The following MYH14 variants were observed in gnomAD, a reference collection of about 807,000 sequenced individuals.
MYH14 encodes myosin heavy chain 14.
A neutral mutation model predicts 255.5 loss-of-function variants in MYH14; 123 were observed. The observed-to-expected ratio is 0.48, with a 90% CI of 0.42 to 0.56. The LOEUF is 0.56. MYH14 is among the 20% of genes least tolerant of loss of function. The probability of loss-of-function intolerance (pLI) is 0.00; values close to 1 mark genes in which losing one functional copy is unlikely to be tolerated. For missense variants in MYH14, 2,423 were observed against 2,802.3 expected (o/e 0.86, Z 3.06); for synonymous variants, 1,095 against 1,161.2 (o/e 0.94, Z 1.16).
At chr19:50,210,080 A>C (rs2032078995) in intron 1 of MYH14, among the ~76,000 whole-genome samples, 1 of 143,670 alleles carries the variant, frequency 7.0e-6, no homozygotes, top group African/African-American at 2.6e-5. Flanking sequence ...CCTGGGCAAC[A>C]AGCGAGACTC....
At chr19:50,273,825 C>T (rs1313803060) in intron 27 of MYH14, among the ~76,000 whole-genome samples, 2 of 152,046 alleles carry the variant, frequency 1.3e-5, no homozygotes, top group African/African-American at 4.8e-5. Flanking sequence ...TTAGTAGAGA[C>T]GGGCTTTCAC....
At position 50,210,389 on chromosome 19, in the gene MYH14, G is replaced by C; in HGVS notation, c.24G>C (p.Val8=). Residue 8 remains valine (V), a synonymous_variant, in exon 2 of 43, where the codon GTG becomes GTC. Coordinates refer to ENST00000642316, the MANE Select transcript of MYH14 (RefSeq NM_001145809.2). ...CCATGGCAGCCGTGACCATGTCGGT[G>C]CCCGGGCGGAAGGCGCCCCCCAGGC... MAAVTMS[V]PGRKAPPRPG... 6.3e-7 allele frequency: 1 copy of C among 1,585,422 alleles called. No homozygotes were observed. The highest frequency in any genetic ancestry group is 1.1e-5 in the South Asian group (1 of 87,376).
chr19:50,299,570 CAAAAAAAA>C (rs4002409), intron 39 of MYH14, among the ~76,000 whole-genome samples: 76 of 57,636 alleles, frequency 1.3e-3, no homozygotes, highest in East Asian at 2.2e-3. Context: ...GACTCCATCT[CAAAAAAAA>C]AAAAAAAAAA....
At chr19:50,283,225 T>C (rs2035783541) in intron 33 of MYH14, among the ~76,000 whole-genome samples, 1 of 152,068 alleles carries the variant, frequency 6.6e-6, no homozygotes, top group South Asian at 2.1e-4. Flanking sequence ...GTTCAAGCGA[T>C]TCTCGTGCCT....
chr19:50,270,075 A>G (rs1218785443), intron 24 of MYH14, among the ~76,000 whole-genome samples: 1 of 152,172 alleles, frequency 6.6e-6, no homozygotes, highest in Non-Finnish European at 1.5e-5. Context: ...AAAATTAGCC[A>G]GGCATGGTGT....
At chr19:50,291,971 G>A (rs1031814236) in intron 36 of MYH14, among the ~76,000 whole-genome samples, 2 of 152,210 alleles carry the variant, frequency 1.3e-5, no homozygotes, top group African/African-American at 4.8e-5. Flanking sequence ...TGGCCAAGTT[G>A]TAATTCAAAC....
intron 18 of MYH14, 85 bp from the exon 19 acceptor site, chr19:50,259,059 T>C (rs1393449961): frequency 6.7e-7 from 1 of 1,489,352 alleles, no homozygotes; most frequent in Non-Finnish European, 9.0e-7. Context: ...AAATTACATG[T>C]GGAAACAGGA....
intron 20 of MYH14, among the ~76,000 whole-genome samples, chr19:50,261,099 CT>C (rs2034839206): frequency 1.0e-5 from 1 of 98,478 alleles, no homozygotes; most frequent in Non-Finnish European, 2.1e-5. Flanking sequence ...CTCTTCTCCC[CT>C]ATCACCCTCC....
intron 1 of MYH14, among the ~76,000 whole-genome samples, chr19:50,207,290 A>AGAGAGAGAGG: frequency 6.7e-6 from 1 of 148,918 alleles, no homozygotes; most frequent in Non-Finnish European, 1.5e-5. Flanking sequence ...AGAGAGAGAG[A>AGAGAGAGAGG]GAGAGAGAGA....
Position 50,217,617 on chromosome 19 carries a change from G to A in MYH14, c.408G>A (p.Thr136=), listed in dbSNP as rs376120352. ...CTCTCCCCTCTCACCCACTGCAGAC[G>A]TACTCCGGCCTTTTCTGTGTGGTCA... is the stretch of plus-strand genomic sequence containing the variant. ...RERYYSGLIY[T]YSGLFCVVIN... Residue 136 remains threonine (T), a splice_region_variant and synonymous_variant, in exon 3 of 43, where the codon ACG becomes ACA. Coordinates refer to ENST00000642316, the MANE Select transcript of MYH14 (RefSeq NM_001145809.2). 1.3e-4 allele frequency: 204 copies of A among 1,613,892 alleles called. No homozygotes were observed. The African/African-American group carries it at 2.1e-3, about 16-fold the overall frequency.
chr19:50,281,806 G>A lies in MYH14; in HGVS notation c.4503G>A (p.Val1501=). 1.2e-6 allele frequency: 2 copies of A among 1,612,654 alleles called. No homozygotes were observed. The highest frequency in any genetic ancestry group is 1.7e-6 in the Non-Finnish European group (2 of 1,179,726). ...TMDLEQQRQL[V]STLEKKQRKF... is the part of the protein sequence containing the mutation. ...ACCTGGAGCAGCAGCGGCAGCTTGT[G>A]AGCACCCTGGAGAAGAAGCAGCGCA... Residue 1501 remains valine, a synonymous_variant, in exon 33 of 43, where the codon GTG becomes GTA. Transcript: ENST00000642316.
intron 10 of MYH14, among the ~76,000 whole-genome samples, chr19:50,234,678 C>G (rs1172674856): frequency 1.3e-5 from 2 of 151,900 alleles, no homozygotes; most frequent in Admixed American, 1.3e-4. Context: ...GCAATGGGGA[C>G]CTGGGCCTCC....
At position 50,231,857 on chromosome 19, in the gene MYH14, C is replaced by G. The variant is rs1439021154; in HGVS notation, c.974-73C>G. The G allele has an allele frequency of 7.0e-6, 11 of 1,582,716 alleles. No individual in the cohort carries two copies. The East Asian group carries it at 2.5e-4, about 36-fold the overall frequency. On this transcript the variant is annotated intron_variant, in intron 9 of 42. Coordinates refer to ENST00000642316, the MANE Select transcript of MYH14 (RefSeq NM_001145809.2). ...GAGGATATGGCATGTCCTGGGATTG[C>G]CACCGATGAATCCAGGATGAGTCTG...
chr19:50,216,353 G>A (rs1001930756), intron 2 of MYH14, among the ~76,000 whole-genome samples: 7 of 151,818 alleles, frequency 4.6e-5, no homozygotes, highest in East Asian at 1.9e-4. Context: ...CTGTAATCCC[G>A]GCACTTTGGG....
chr19:50,232,222 A>G (rs901196616), intron 10 of MYH14, among the ~76,000 whole-genome samples, 152 bp downstream of exon 10: 2 of 152,254 alleles, frequency 1.3e-5, no homozygotes, highest in African/African-American at 2.4e-5. Context: ...AGGCTCACAG[A>G]CATCTCTGCC....
rs1248292074 is a variant in MYH14 at position 50,290,904 on chromosome 19, G to T, written c.4983G>T (p.Val1661=). 1 of 1,565,390 alleles carries T rather than the reference G, an allele frequency of 6.4e-7. No individual in the cohort carries two copies. Among genetic ancestry groups the T allele is most frequent in the East Asian group, 2.4e-5 (1 of 42,396 alleles). ...QLAKQLRDAE[V]ERDEERKQRT... is the part of the protein sequence containing the mutation. ...CTCTCCAGCTGAGAGATGCAGAGGT[G>T]GAGCGGGATGAGGAGCGGAAGCAGC... Residue 1661 remains valine (V), a synonymous_variant, in exon 36 of 43, where the codon GTG becomes GTT. Transcript: ENST00000642316.
In MYH14 at chr19:50,268,219, C is replaced by T; in HGVS notation, c.2885C>T (p.Ala962Val). 1.9e-6 allele frequency: 3 copies of T among 1,558,794 alleles called. No homozygotes were observed. The highest frequency in any genetic ancestry group is 2.6e-6 in the Non-Finnish European group (3 of 1,152,238). Residue 962 changes from alanine (A) to valine (V), a missense_variant, in exon 24 of 43, where the codon GCA (alanine) becomes GTA (valine). Coordinates refer to ENST00000642316, the MANE Select transcript of MYH14 (RefSeq NM_001145809.2). ...EQLRAEAELC[A>V]EAEETRGRLA... ...TTGCGAGCAGAGGCAGAACTGTGTGCAGAGGCCGAGGAGACGCGGGGGAGG... is the reference window on the plus strand; with the variant it reads ...TTGCGAGCAGAGGCAGAACTGTGTGTAGAGGCCGAGGAGACGCGGGGGAGG...
In MYH14 at chr19:50,210,632, G is replaced by A; in HGVS notation, c.267G>A (p.Leu89=). 6.4e-7 allele frequency: 1 copy of A among 1,569,628 alleles called. No homozygotes were observed. The highest frequency in any genetic ancestry group is 1.2e-5 in the South Asian group (1 of 85,722). ...AGCTGGCGGAGAGCGGGAGGCGGCT[G>A]CGACTGCCGCGGGACCAGATCCAGC... The part of the protein sequence containing the change: ...EVELAESGRR[L]RLPRDQIQRM... The change falls in exon 2 of 43, where the codon CTG becomes CTA. Residue 89 remains leucine, a synonymous_variant. Coordinates refer to ENST00000642316, the MANE Select transcript of MYH14 (RefSeq NM_001145809.2).
chr19:50,278,265 T>G lies in MYH14; in HGVS notation c.4008T>G (p.Ala1336=). 1 of 1,570,346 alleles carries G rather than the reference T, an allele frequency of 6.4e-7. No homozygotes were observed. Among genetic ancestry groups the G allele is most frequent in the Non-Finnish European group, 8.6e-7 (1 of 1,157,450 alleles). Residue 1336 remains alanine, a synonymous_variant, in exon 30 of 43, where the codon GCT becomes GCG. Coordinates refer to ENST00000642316, the MANE Select transcript of MYH14 (RefSeq NM_001145809.2). ...ATGGGGAGAGGGCACGAGCGGAGGCTGCTGAGAAGCTGCAGCGAGCCCAGG... is the reference window on the plus strand; with the variant it reads ...ATGGGGAGAGGGCACGAGCGGAGGCGGCTGAGAAGCTGCAGCGAGCCCAGG... The part of the protein sequence containing the change: ...AGDGERARAE[A]AEKLQRAQAE...
Sources: gnomAD v4.1 joint callset for allele counts (sites outside exome capture counted in the v4.1 genomes callset) on GRCh38, gnomAD v4.1.1 for gene constraint, MANE v1.5 for transcripts, NCBI Gene and HGNC (gene_info 2026-07-23, HGNC 2026-07-21) for gene names.